The following TRERF1 variants were observed in gnomAD, a reference collection of about 807,000 sequenced individuals.
TRERF1 encodes the protein transcriptional-regulating factor 1.
TRERF1 carries 27 observed loss-of-function variants against 122.9 expected under a neutral mutation model. The ratio of observed to expected loss-of-function variants is 0.22; its 90% CI spans 0.16 to 0.30. The LOEUF is 0.30. Ranked by LOEUF, TRERF1 falls within the 10% of genes least tolerant of loss-of-function variation. The pLI is 1.00. For missense variants in TRERF1, 1,248 were observed against 1,560.3 expected (o/e 0.80, Z 3.37); for synonymous variants, 636 against 641.7 (o/e 0.99, Z 0.13).
chr6:42,435,574 T>G (rs891506585), intron 2 of TRERF1, among the ~76,000 whole-genome samples: 17 of 151,666 alleles, frequency 1.1e-4, no homozygotes, highest in Admixed American at 2.0e-4. Flanking sequence ...CCAAAAAGAA[T>G]CTAAGATGAA....
intron 2 of TRERF1, among the ~76,000 whole-genome samples, chr6:42,434,905 A>G (rs1582215539): frequency 6.6e-6 from 1 of 151,910 alleles, no homozygotes; most frequent in East Asian, 1.9e-4. Context: ...AGGCGGGCGG[A>G]TCACCTGAGG....
intron 15 of TRERF1, 135 bp from the exon 16 acceptor site, chr6:42,236,546 T>C: frequency 2.2e-6 from 3 of 1,350,068 alleles, no homozygotes; most frequent in Admixed American, 2.7e-5. Context: ...GCATAAGGAA[T>C]GGTGGACAGA....
chr6:42,350,896 T>C (rs1416270789), intron 3 of TRERF1, among the ~76,000 whole-genome samples: 1 of 151,982 alleles, frequency 6.6e-6, no homozygotes, highest in African/African-American at 2.4e-5. Flanking sequence ...TAAAAATCCC[T>C]TGTACATGAT....
intron 4 of TRERF1, among the ~76,000 whole-genome samples, chr6:42,290,644 A>G (rs1784137775): frequency 6.6e-6 from 1 of 152,008 alleles, no homozygotes. Flanking sequence ...TTTTAATTAA[A>G]AAAAAGTTAA....
chr6:42,250,836 T>C (rs1000548193), intron 13 of TRERF1, among the ~76,000 whole-genome samples: 1 of 152,096 alleles, frequency 6.6e-6, no homozygotes, highest in Non-Finnish European at 1.5e-5. Flanking sequence ...GGAAACAGGC[T>C]CTGGACTGTG....
At chr6:42,438,959 G>A (rs1785977432) in intron 2 of TRERF1, among the ~76,000 whole-genome samples, 1 of 152,178 alleles carries the variant, frequency 6.6e-6, no homozygotes, top group Non-Finnish European at 1.5e-5. Flanking sequence ...AGAGTGGAGA[G>A]TGGAAAGGGA....
intron 3 of TRERF1, among the ~76,000 whole-genome samples, chr6:42,332,213 T>C (rs1346193258): frequency 6.6e-6 from 1 of 152,178 alleles, no homozygotes; most frequent in African/African-American, 2.4e-5. Context: ...AAAGTGCTGG[T>C]ATTACAGGCG....
chr6:42,242,195 T>G (rs1773884101), intron 15 of TRERF1, among the ~76,000 whole-genome samples: 2 of 152,218 alleles, frequency 1.3e-5, no homozygotes, highest in Admixed American at 6.5e-5. Flanking sequence ...CCAATTTGCT[T>G]AAGCTCTGTG....
intron 2 of TRERF1, among the ~76,000 whole-genome samples, chr6:42,446,988 G>C (rs926248826): frequency 2.0e-5 from 3 of 152,184 alleles, no homozygotes; most frequent in African/African-American, 7.2e-5. Flanking sequence ...CTGAGTGAGA[G>C]AGCAAGATGC....
At chr6:42,353,533 A>T (rs886880066) in intron 3 of TRERF1, among the ~76,000 whole-genome samples, 10 of 152,142 alleles carry the variant, frequency 6.6e-5, no homozygotes, top group African/African-American at 2.4e-4. Context: ...GGCTGCAGTG[A>T]ACCAATATCG....
intron 3 of TRERF1, among the ~76,000 whole-genome samples, chr6:42,351,368 C>T (rs1463862022): frequency 1.3e-5 from 2 of 152,028 alleles, no homozygotes; most frequent in Non-Finnish European, 2.9e-5. Context: ...TAGAAAAATC[C>T]AATGGTACTG....
intron 2 of TRERF1, among the ~76,000 whole-genome samples, chr6:42,445,733 C>T (rs1184620316): frequency 6.6e-6 from 1 of 152,092 alleles, no homozygotes; most frequent in African/African-American, 2.4e-5. Context: ...CCTGCCCATT[C>T]TACTCCTAAT....
At position 42,249,926 on chromosome 6, in the gene TRERF1, C is replaced by A. The variant is rs1391258227; in HGVS notation, c.2657-3382G>T. Among the ~76,000 whole-genome samples the A allele has an allele frequency of 2.0e-5, 3 of 152,218 alleles. No homozygotes were observed. In the East Asian group the frequency reaches 5.8e-4, roughly 29 times the overall value. The stretch of plus-strand genomic sequence containing the variant: ...AAGATTACCCACCGAGGCTGAGAGT[C>A]CATCCCTGGGCTCTTGGATTGAATT... On this transcript the variant is annotated intron_variant, in intron 13 of 17. Transcript: ENST00000372922.
At chr6:42,226,896 C>T (rs906812882) in exon 18 of TRERF1, 2 of 152,290 alleles carry the variant, frequency 1.3e-5, no homozygotes, top group Admixed American at 1.3e-4. Flanking sequence ...CCCAGGAAAT[C>T]ACGCTGCATT....
At chr6:42,261,191 C>G (rs960572822) in intron 8 of TRERF1, among the ~76,000 whole-genome samples, 1 of 152,184 alleles carries the variant, frequency 6.6e-6, no homozygotes, top group Non-Finnish European at 1.5e-5. Flanking sequence ...CCAAGGGGAG[C>G]AGCCCTGAAG....
chr6:42,390,228 TTTAA>T (rs1245690483), intron 2 of TRERF1, among the ~76,000 whole-genome samples: 1 of 152,196 alleles, frequency 6.6e-6, no homozygotes, highest in Non-Finnish European at 1.5e-5. Context: ...TTTCCCAGCC[TTTAA>T]TTAAGCAAAG....
chr6:42,429,159 T>TGAC (rs1784104709), intron 2 of TRERF1, among the ~76,000 whole-genome samples: 1 of 152,252 alleles, frequency 6.6e-6, no homozygotes, highest in Non-Finnish European at 1.5e-5. Context: ...ATTTCTCTAG[T>TGAC]GACAGTATTC....
At chr6:42,421,186 A>G (rs1275997604) in intron 2 of TRERF1, among the ~76,000 whole-genome samples, 1 of 152,242 alleles carries the variant, frequency 6.6e-6, no homozygotes, top group African/African-American at 2.4e-5. Flanking sequence ...GAATGTATAG[A>G]GCGCACTTGG....
At chr6:42,286,023 A>C (rs558224537) in intron 4 of TRERF1, among the ~76,000 whole-genome samples, 24 of 151,640 alleles carry the variant, frequency 1.6e-4, no homozygotes, top group African/African-American at 5.3e-4. Flanking sequence ...GACAAACCTG[A>C]GAAAAACAAG....
Sources: allele counts gnomAD v4.1 joint callset (sites outside exome capture counted in the v4.1 genomes callset), GRCh38; gene constraint gnomAD v4.1.1; transcripts MANE v1.5; gene names NCBI Gene and HGNC (gene_info 2026-07-23, HGNC 2026-07-21).